LRRC40: variants seen among roughly 807,000 people sequenced by gnomAD.
LRRC40 encodes the protein leucine-rich repeat-containing protein 40.
LRRC40 carries 76 observed loss-of-function variants against 72.8 expected under a neutral mutation model. The ratio of observed to expected loss-of-function variants is 1.04; its 90% CI spans 0.87 to 1.26. The LOEUF (loss-of-function observed/expected upper bound fraction) is 1.26. LRRC40 is among the 50% of genes most tolerant of loss of function. The pLI, the probability that LRRC40 is intolerant of heterozygous loss-of-function variation, is 0.00. For synonymous variants in LRRC40, 243 were observed against 254.2 expected (o/e 0.96, Z 0.42); for missense variants, 684 against 698.9 (o/e 0.98, Z 0.24).
chr1:70,155,465 G>A (rs1667617366), intron 11 of LRRC40, among the ~76,000 whole-genome samples: 1 of 151,888 alleles, frequency 6.6e-6, no homozygotes, highest in Admixed American at 6.6e-5. Context: ...AAAAGAAAAA[G>A]AAACAAATTT....
At chr1:70,181,658 T>C (rs1415272085) in intron 4 of LRRC40, among the ~76,000 whole-genome samples, 1 of 151,706 alleles carries the variant, frequency 6.6e-6, no homozygotes, top group African/African-American at 2.4e-5. Flanking sequence ...AAAGGAAAAA[T>C]GAAGCTGAAA....
chr1:70,204,469 T>C (rs1277658848), intron 1 of LRRC40, among the ~76,000 whole-genome samples: 1 of 152,138 alleles, frequency 6.6e-6, no homozygotes, highest in African/African-American at 2.4e-5. Flanking sequence ...TAGATATATA[T>C]ATATGCACAA....
chr1:70,182,993 T>C (rs1453228797), intron 4 of LRRC40, among the ~76,000 whole-genome samples: 1 of 152,146 alleles, frequency 6.6e-6, no homozygotes, highest in Non-Finnish European at 1.5e-5. Context: ...AACTGCTACC[T>C]TTTACCACCA....
chr1:70,181,246 A>G, intron 4 of LRRC40, 37 bp from the exon 5 acceptor site: 1 of 1,319,042 alleles, frequency 7.6e-7, no homozygotes. Context: ...TGAATAAACA[A>G]GTAAAAAAAT....
intron 6 of LRRC40, among the ~76,000 whole-genome samples, chr1:70,177,474 A>G (rs956396508): frequency 2.0e-5 from 3 of 152,208 alleles, no homozygotes; most frequent in Admixed American, 6.5e-5. Context: ...TCAGCTCTCC[A>G]GTAAATTGCA....
intron 14 of LRRC40, among the ~76,000 whole-genome samples, chr1:70,146,156 C>G (rs1378401536): frequency 6.6e-6 from 1 of 152,080 alleles, no homozygotes; most frequent in Non-Finnish European, 1.5e-5. Flanking sequence ...TCCCGGGTAG[C>G]TGGGATTACA....
chr1:70,152,678 A>G, intron 11 of LRRC40, 135 bp from the exon 12 acceptor site: 1 of 632,498 alleles, frequency 1.6e-6, no homozygotes, highest in Non-Finnish European at 2.8e-6. Flanking sequence ...TTACTTTTTC[A>G]CAGGAACATT....
intron 9 of LRRC40, among the ~76,000 whole-genome samples, chr1:70,164,310 A>AC (rs1667831098): frequency 6.6e-6 from 1 of 152,122 alleles, no homozygotes; most frequent in Non-Finnish European, 1.5e-5. Flanking sequence ...GAATCACTTG[A>AC]ACCCAGGAGG....
chr1:70,147,764 A>G (rs1416233096), intron 14 of LRRC40: 1 of 152,230 alleles, frequency 6.6e-6, no homozygotes, highest in Non-Finnish European at 1.5e-5. Context: ...AATCATTCAT[A>G]TGCAGTTTTC....
At chr1:70,198,119 C>A (rs1043016210) in intron 1 of LRRC40, among the ~76,000 whole-genome samples, 1 of 152,082 alleles carries the variant, frequency 6.6e-6, no homozygotes, top group African/African-American at 2.4e-5. Flanking sequence ...AGGGCAAATT[C>A]TCATTACCCT....
rs1571420926 is a variant in LRRC40 at position 70,145,231 on chromosome 1, T to G, written c.*569A>C. The G allele has an allele frequency of 6.6e-6, 1 of 152,304 alleles. No individual in the cohort carries two copies. Among genetic ancestry groups the G allele is most frequent in the Admixed American group, 6.5e-5 (1 of 15,300 alleles). 9.4% of individuals were successfully genotyped at this position (152,304 alleles called of 1,614,324 possible). ...AAAAGTCTTATTTTTAATATATTTTTGTTTCCTTTTTCTTTTGACATGTGG... is the reference window on the plus strand; with the variant it reads ...AAAAGTCTTATTTTTAATATATTTTGGTTTCCTTTTTCTTTTGACATGTGG... On this transcript the variant is annotated 3_prime_UTR_variant, in exon 15 of 15. Coordinates refer to ENST00000370952, the MANE Select transcript of LRRC40 (RefSeq NM_017768.5).
chr1:70,173,684 G>T lies in LRRC40; in HGVS notation c.1003C>A (p.His335Asn). ...CCTTCTAATGCCAAAAATTTCAAATGAAGGTTCCCCAATGAATAGGGAAGA... is the reference window on the plus strand; with the variant it reads ...CCTTCTAATGCCAAAAATTTCAAATTAAGGTTCCCCAATGAATAGGGAAGA... The part of the protein sequence containing the change: ...SSLPYSLGNL[H>N]LKFLALEGNP... Residue 335 changes from histidine (H) to asparagine (N), a missense_variant, in exon 8 of 15, where the codon CAT becomes AAT. Transcript: ENST00000370952. 1 of 1,562,382 alleles carries T rather than the reference G, an allele frequency of 6.4e-7. No individual in the cohort carries two copies. Among genetic ancestry groups the T allele is most frequent in the South Asian group, 1.2e-5 (1 of 86,132 alleles).
intron 13 of LRRC40, among the ~76,000 whole-genome samples, chr1:70,150,305 TG>T (rs1363754346): frequency 6.6e-6 from 1 of 152,238 alleles, no homozygotes; most frequent in Non-Finnish European, 1.5e-5. Context: ...GCCCAACTTC[TG>T]GAGCCAAACC....
intron 5 of LRRC40, 113 bp from the exon 6 acceptor site, chr1:70,179,106 C>T (rs1668184963): frequency 2.1e-6 from 1 of 485,062 alleles, no homozygotes; most frequent in African/African-American, 2.0e-5. Flanking sequence ...TGAACCTGTG[C>T]CATATAATCA....
At chr1:70,187,551 G>A (rs1668388280) in intron 2 of LRRC40, among the ~76,000 whole-genome samples, 1 of 151,950 alleles carries the variant, frequency 6.6e-6, no homozygotes, top group Non-Finnish European at 1.5e-5. Context: ...AAGGCCAGGT[G>A]CAGTGGCTCA....
At chr1:70,195,920 G>C (rs2100344880) in intron 1 of LRRC40, among the ~76,000 whole-genome samples, 1 of 152,240 alleles carries the variant, frequency 6.6e-6, no homozygotes, top group Middle Eastern at 3.4e-3. Context: ...ACAGGCGTGA[G>C]CCACCACGCC....
At chr1:70,156,880 A>G (rs1158092936) in intron 10 of LRRC40, among the ~76,000 whole-genome samples, 1 of 152,180 alleles carries the variant, frequency 6.6e-6, no homozygotes, top group Non-Finnish European at 1.5e-5. Flanking sequence ...TCCGTTTAAT[A>G]TTTTCGGACT....
chr1:70,149,324 G>A lies in LRRC40; in HGVS notation c.1518-652C>T, dbSNP rs534754251. Among the ~76,000 whole-genome samples the A allele has an allele frequency of 3.5e-3, 531 of 152,306 alleles. 1 individual carries two copies. Among genetic ancestry groups the A allele is most frequent in the Non-Finnish European group, 6.0e-3 (409 of 68,016 alleles). ...AGAAAATAGAAGAATGGGCAGGAAC[G>A]AGAGCTTTGGCCTTTTCATTTCCGC... is the stretch of plus-strand genomic sequence containing the variant. On this transcript the variant is annotated intron_variant, in intron 13 of 14. Transcript: ENST00000370952.
intron 14 of LRRC40, chr1:70,147,920 C>T (rs1462756697): frequency 6.6e-6 from 1 of 151,828 alleles, no homozygotes; most frequent in African/African-American, 2.4e-5. Context: ...AAAGAAAGAC[C>T]CAAAAATCGT....
Sources: allele counts gnomAD v4.1 joint callset (sites outside exome capture counted in the v4.1 genomes callset), GRCh38; gene constraint gnomAD v4.1.1; transcripts MANE v1.5; gene names NCBI Gene and HGNC (gene_info 2026-07-23, HGNC 2026-07-21).